Variants in TAFA1 observed in about 807,000 individuals in gnomAD.
TAFA1 encodes the protein TAFA chemokine like family member 1.
Under a neutral mutation model 18.5 loss-of-function variants are expected in TAFA1, and 4 were observed. That is an observed-to-expected ratio of 0.22 (90% CI 0.11 to 0.49). The LOEUF (loss-of-function observed/expected upper bound fraction) is 0.49, where lower values mean the gene tolerates loss of function less well. TAFA1 is among the 20% of genes least tolerant of loss of function. The probability of loss-of-function intolerance (pLI) is 0.98; values close to 1 mark genes in which losing one functional copy is unlikely to be tolerated. For synonymous variants in TAFA1, 56 were observed against 55.2 expected, an observed-to-expected ratio of 1.01 and a Z score of -0.06; for missense variants, 147 against 169.0, an observed-to-expected ratio of 0.87 and a Z score of 0.72.
chr3:68,114,764 C>A (rs2065306056), intron 2 of TAFA1, among the ~76,000 whole-genome samples: 1 of 152,072 alleles, frequency 6.6e-6, no homozygotes, highest in African/African-American at 2.4e-5. Flanking sequence ...GTGTTCATAT[C>A]AGTATTATTT....
chr3:68,367,530 A>G (rs1277853001), intron 2 of TAFA1, among the ~76,000 whole-genome samples: 1 of 152,228 alleles, frequency 6.6e-6, no homozygotes, highest in East Asian at 1.9e-4. Flanking sequence ...CAAGAACCAC[A>G]CAAGTCACTT....
At position 68,120,185 on chromosome 3, in the gene TAFA1, CTTT is replaced by C. The variant is rs1559527525; in HGVS notation, c.118+113442_118+113444del. 1.3e-4 allele frequency among the ~76,000 whole-genome samples: 3 copies of C among 23,906 alleles called. No individual in the cohort carries two copies. In the East Asian group the frequency reaches 2.6e-3, roughly 21 times the overall value. 15.7% of individuals were successfully genotyped at this position (23,906 alleles called of 152,430 possible). On this transcript the variant is annotated intron_variant, in intron 2 of 4. Transcript: ENST00000478136. The stretch of plus-strand genomic sequence containing the variant: ...TCTCTTTCTTTCTCTTTCTTTCTTT[CTTT>C]CTTTCTTTCTTTCTTTCTTTCTTTC...
chr3:68,439,781 A>G (rs1401437428), intron 3 of TAFA1, among the ~76,000 whole-genome samples: 1 of 151,944 alleles, frequency 6.6e-6, no homozygotes, highest in Admixed American at 6.6e-5. Flanking sequence ...CGGGATCGAT[A>G]CTTTGCATCC....
chr3:68,261,330 G>C (rs1210901563), intron 2 of TAFA1, among the ~76,000 whole-genome samples: 1 of 152,186 alleles, frequency 6.6e-6, no homozygotes, highest in Non-Finnish European at 1.5e-5. Flanking sequence ...CTGTAAACTA[G>C]TTCAACCCTT....
intron 2 of TAFA1, among the ~76,000 whole-genome samples, chr3:68,178,429 A>G (rs1427604563): frequency 6.6e-6 from 1 of 152,168 alleles, no homozygotes; most frequent in Non-Finnish European, 1.5e-5. Context: ...AAGTAAAATG[A>G]TCATGATTTT....
chr3:68,078,522 G>T (rs11720048), intron 2 of TAFA1, among the ~76,000 whole-genome samples: 8 of 151,988 alleles, frequency 5.3e-5, no homozygotes, highest in South Asian at 2.1e-4. Flanking sequence ...TAGCATGAAG[G>T]GTTGTTGAAT....
chr3:68,483,480 A>T (rs1472075780), intron 3 of TAFA1, among the ~76,000 whole-genome samples: 1 of 152,226 alleles, frequency 6.6e-6, no homozygotes, highest in African/African-American at 2.4e-5. Context: ...GCCTCTGATT[A>T]AGAAGTTATA....
At chr3:68,413,536 G>C (rs1277321375) in intron 2 of TAFA1, among the ~76,000 whole-genome samples, 1 of 152,104 alleles carries the variant, frequency 6.6e-6, no homozygotes, top group Non-Finnish European at 1.5e-5. Flanking sequence ...AATAACAATA[G>C]TTCTATCTCC....
intron 2 of TAFA1, among the ~76,000 whole-genome samples, chr3:68,197,830 T>C (rs1227862106): frequency 6.6e-6 from 1 of 151,714 alleles, no homozygotes; most frequent in Non-Finnish European, 1.5e-5. Context: ...TATAGTGTTA[T>C]TTGTCACTCT....
At chr3:68,213,160 A>G (rs1438313494) in intron 2 of TAFA1, among the ~76,000 whole-genome samples, 1 of 152,042 alleles carries the variant, frequency 6.6e-6, no homozygotes, top group Non-Finnish European at 1.5e-5. Context: ...TGTTGCCAGT[A>G]AAAAAGAAAC....
At chr3:68,424,171 C>T (rs1196280060) in intron 3 of TAFA1, among the ~76,000 whole-genome samples, 1 of 152,004 alleles carries the variant, frequency 6.6e-6, no homozygotes, top group South Asian at 2.1e-4. Flanking sequence ...ACATTTTGCT[C>T]CTGGCTCATC....
chr3:68,153,154 T>C (rs1034011869), intron 2 of TAFA1, among the ~76,000 whole-genome samples: 7 of 152,168 alleles, frequency 4.6e-5, no homozygotes, highest in African/African-American at 1.7e-4. Context: ...TAGGTGACTA[T>C]TGGTAGCATA....
At chr3:68,090,337 T>C (rs868152146) in intron 2 of TAFA1, among the ~76,000 whole-genome samples, 23 of 152,308 alleles carry the variant, frequency 1.5e-4, no homozygotes, top group Middle Eastern at 3.4e-3. Context: ...TTTCCTCTAA[T>C]GGTACCATCC....
chr3:68,520,973 G>A (rs2073011876), intron 3 of TAFA1, among the ~76,000 whole-genome samples: 1 of 152,126 alleles, frequency 6.6e-6, no homozygotes, highest in Non-Finnish European at 1.5e-5. Flanking sequence ...ATTGTGTTAG[G>A]TGGCAAGTAG....
intron 2 of TAFA1, among the ~76,000 whole-genome samples, chr3:68,307,607 T>C (rs2068443333): frequency 6.6e-6 from 1 of 152,238 alleles, no homozygotes; most frequent in Non-Finnish European, 1.5e-5. Flanking sequence ...CTCTACTTTT[T>C]TTTGGAAACA....
chr3:68,357,023 G>A (rs910960297), intron 2 of TAFA1, among the ~76,000 whole-genome samples: 1 of 151,866 alleles, frequency 6.6e-6, no homozygotes, highest in Non-Finnish European at 1.5e-5. Flanking sequence ...AACCTTTAAG[G>A]TTGATGTCAC....
chr3:68,181,378 C>CAAAA (rs572609783), intron 2 of TAFA1, among the ~76,000 whole-genome samples: 4 of 80,216 alleles, frequency 5.0e-5, no homozygotes, highest in Non-Finnish European at 8.0e-5. Context: ...CTAGAACATA[C>CAAAA]AAAAAAAAAA....
intron 2 of TAFA1, among the ~76,000 whole-genome samples, chr3:68,101,111 T>A (rs1423932191): frequency 6.6e-6 from 1 of 152,088 alleles, no homozygotes; most frequent in African/African-American, 2.4e-5. Flanking sequence ...ATCACCCAGG[T>A]ATTGAGCCTA....
chr3:68,173,542 CAT>C (rs1347725317), intron 2 of TAFA1, among the ~76,000 whole-genome samples: 1 of 152,056 alleles, frequency 6.6e-6, no homozygotes, highest in Non-Finnish European at 1.5e-5. Context: ...TGTAAGGGGA[CAT>C]ATATTTATAT....
Sources: allele counts gnomAD v4.1 joint callset (sites outside exome capture counted in the v4.1 genomes callset), GRCh38; gene constraint gnomAD v4.1.1; transcripts MANE v1.5; gene names NCBI Gene and HGNC (gene_info 2026-07-23, HGNC 2026-07-21).